ROBO1: variants seen among roughly 807,000 people sequenced by gnomAD.
ROBO1 encodes roundabout homolog 1.
A neutral mutation model predicts 195.9 loss-of-function variants in ROBO1; 149 were observed. That is an observed-to-expected ratio of 0.76 (90% CI 0.67 to 0.87). The LOEUF (loss-of-function observed/expected upper bound fraction) is 0.87. Ranked by LOEUF, ROBO1 falls within the 40% of genes least tolerant of loss-of-function variation. ROBO1 has a pLI of 0.00. For synonymous variants in ROBO1, 816 were observed against 733.2 expected (o/e 1.11, Z -1.82); for missense variants, 1,933 against 2,068.3 (o/e 0.93, Z 1.27).
intron 4 of ROBO1, among the ~76,000 whole-genome samples, chr3:78,760,598 G>A (rs1160741698): frequency 6.6e-6 from 1 of 152,112 alleles, no homozygotes; most frequent in Non-Finnish European, 1.5e-5. Context: ...AGAATTTTGG[G>A]TACATTTCAT....
intron 1 of ROBO1, among the ~76,000 whole-genome samples, chr3:79,756,368 G>T (rs1704396561): frequency 6.6e-6 from 1 of 151,922 alleles, no homozygotes; most frequent in East Asian, 1.9e-4. Flanking sequence ...TGAACAACAA[G>T]GTGAAACCCT....
chr3:79,259,581 C>T (rs1337618527), intron 2 of ROBO1, among the ~76,000 whole-genome samples: 2 of 152,162 alleles, frequency 1.3e-5, no homozygotes, highest in East Asian at 3.9e-4. Context: ...TCCCCCTATG[C>T]CCCCACTAGC....
At chr3:78,608,590 G>T (rs723767) in intron 28 of ROBO1, among the ~76,000 whole-genome samples, 1 of 151,966 alleles carries the variant, frequency 6.6e-6, no homozygotes, top group Non-Finnish European at 1.5e-5. Context: ...ACTAAGTTTC[G>T]GTTATTCCGG....
chr3:79,695,717 T>C (rs1485877681), intron 1 of ROBO1, among the ~76,000 whole-genome samples: 1 of 151,506 alleles, frequency 6.6e-6, no homozygotes, highest in Non-Finnish European at 1.5e-5. Flanking sequence ...TACTGAACCA[T>C]ACTCATGTGA....
intron 5 of ROBO1, among the ~76,000 whole-genome samples, chr3:78,725,867 T>A (rs1468080219): frequency 6.6e-6 from 1 of 152,126 alleles, no homozygotes; most frequent in Non-Finnish European, 1.5e-5. Context: ...TAAAATGAAC[T>A]CCTTGTGATG....
chr3:79,556,113 A>T (rs1450104133), intron 2 of ROBO1, among the ~76,000 whole-genome samples: 1 of 152,132 alleles, frequency 6.6e-6, no homozygotes, highest in Non-Finnish European at 1.5e-5. Flanking sequence ...AGTAAACTAT[A>T]CCTTTAATCT....
At chr3:79,629,733 T>C (rs1001560165) in intron 1 of ROBO1, among the ~76,000 whole-genome samples, 4 of 151,906 alleles carry the variant, frequency 2.6e-5, no homozygotes, top group African/African-American at 9.7e-5. Context: ...ACAAAATTGA[T>C]AGACCACTAG....
chr3:79,326,228 C>T (rs1247829090), intron 2 of ROBO1, among the ~76,000 whole-genome samples: 1 of 152,118 alleles, frequency 6.6e-6, no homozygotes, highest in African/African-American at 2.4e-5. Context: ...GTGAACTCGC[C>T]CTGCCTCCAT....
chr3:78,706,540 C>T (rs2107981167), intron 8 of ROBO1, among the ~76,000 whole-genome samples: 1 of 152,110 alleles, frequency 6.6e-6, no homozygotes, highest in East Asian at 1.9e-4. Flanking sequence ...CTGGGTCTCA[C>T]TGTGTTGCTT....
intron 1 of ROBO1, among the ~76,000 whole-genome samples, chr3:79,757,258 C>T (rs572032131): frequency 1.3e-5 from 2 of 152,164 alleles, no homozygotes; most frequent in South Asian, 4.2e-4. Context: ...GTGCCTGTAC[C>T]ACTTCACGTT....
chr3:79,440,829 A>G (rs2039028782), intron 2 of ROBO1, among the ~76,000 whole-genome samples: 1 of 152,094 alleles, frequency 6.6e-6, no homozygotes, highest in Non-Finnish European at 1.5e-5. Context: ...AAGTAATGAG[A>G]AAAATTGTTG....
At chr3:79,318,162 C>T (rs1026060816) in intron 2 of ROBO1, among the ~76,000 whole-genome samples, 1 of 152,170 alleles carries the variant, frequency 6.6e-6, no homozygotes, top group Non-Finnish European at 1.5e-5. Flanking sequence ...ACTTTACTCA[C>T]TCCACTCTCC....
In ROBO1 at chr3:78,661,045, T is replaced by C. The variant is rs1707366220; in HGVS notation, c.2305A>G (p.Lys769Glu). 1.2e-6 allele frequency: 2 copies of C among 1,612,618 alleles called. No homozygotes were observed. Among genetic ancestry groups the C allele is most frequent in the Non-Finnish European group, 8.5e-7 (1 of 1,179,106 alleles). The change falls in exon 16 of 31, where the codon AAA (lysine) becomes GAA (glutamate). Residue 769 changes from lysine (K) to glutamate (E), a missense_variant. By Grantham distance (56) the Lys-to-Glu change is moderately conservative (BLOSUM62 1). This residue lies in a region of ROBO1 where 1,737 missense variants were observed against 1,882.5 expected (regional missense o/e 0.92). Transcript: ENST00000464233. ...TCATACTTGCCTTCTTCCAGGGTTT[T>C]GGCAAACTTGATTTCACTATCTGCT... ...QGADSEIKFA[K>E]TLEEAPSAPP...
At chr3:79,242,713 A>G (rs917725167) in intron 2 of ROBO1, among the ~76,000 whole-genome samples, 2 of 152,170 alleles carry the variant, frequency 1.3e-5, no homozygotes, top group African/African-American at 4.8e-5. Context: ...GCTGGTTAGC[A>G]GGGGAGAAAT....
At chr3:79,484,662 T>C (rs1939054418) in intron 2 of ROBO1, among the ~76,000 whole-genome samples, 2 of 151,940 alleles carry the variant, frequency 1.3e-5, no homozygotes, top group Non-Finnish European at 1.5e-5. Flanking sequence ...AGTTCTCTCC[T>C]GTGCTCTAAT....
intron 4 of ROBO1, among the ~76,000 whole-genome samples, chr3:78,754,762 TGAAG>T (rs2082885543): frequency 6.6e-6 from 1 of 152,098 alleles, no homozygotes; most frequent in Admixed American, 6.5e-5. Flanking sequence ...ATACATGTCA[TGAAG>T]GAAGGTATAG....
intron 2 of ROBO1, among the ~76,000 whole-genome samples, chr3:79,251,475 G>A (rs2082727554): frequency 6.6e-6 from 1 of 152,066 alleles, no homozygotes; most frequent in Admixed American, 6.5e-5. Flanking sequence ...TGACCAGGCT[G>A]GGCGCTGTGG....
At chr3:78,830,261 C>A (rs1289756047) in intron 4 of ROBO1, among the ~76,000 whole-genome samples, 1 of 152,146 alleles carries the variant, frequency 6.6e-6, no homozygotes, top group Non-Finnish European at 1.5e-5. Context: ...GGCCCACTAC[C>A]ATAAACAGAA....
intron 2 of ROBO1, among the ~76,000 whole-genome samples, chr3:79,383,972 T>C (rs557779274): frequency 3.3e-5 from 5 of 152,188 alleles, no homozygotes; most frequent in African/African-American, 9.6e-5. Context: ...GTTGTTTATT[T>C]TGATAATTAA....
Sources: gnomAD v4.1 joint callset for allele counts (sites outside exome capture counted in the v4.1 genomes callset) on GRCh38, gnomAD v4.1.1 for gene constraint, gnomAD v4.1.1 regional missense constraint, MANE v1.5 for transcripts, NCBI Gene and HGNC (gene_info 2026-07-23, HGNC 2026-07-21) for gene names.